Variants in AGBL1 observed in about 807,000 individuals in gnomAD.
AGBL1 encodes the protein cytosolic carboxypeptidase 4.
In AGBL1, 130 loss-of-function variants were observed where a neutral mutation model predicts 118.9. The ratio of observed to expected loss-of-function variants is 1.09; its 90% CI spans 0.95 to 1.26. The LOEUF (loss-of-function observed/expected upper bound fraction) is 1.26, where lower values mean the gene tolerates loss of function less well. Ranked by LOEUF, AGBL1 falls within the 50% of genes most tolerant of loss-of-function variation. The pLI, the probability that AGBL1 is intolerant of heterozygous loss-of-function variation, is 0.00. For missense variants in AGBL1, 1,584 were observed against 1,298.1 expected, an observed-to-expected ratio of 1.22 and a Z score of -3.38; for synonymous variants, 555 against 478.9, an observed-to-expected ratio of 1.16 and a Z score of -2.08.
chr15:86,515,668 A>T (rs1373022010), intron 18 of AGBL1, among the ~76,000 whole-genome samples: 1 of 152,208 alleles, frequency 6.6e-6, no homozygotes, highest in Non-Finnish European at 1.5e-5. Flanking sequence ...GCAATGGATG[A>T]CTTCAAGTGG....
At chr15:86,730,952 C>T (rs1404386494) in intron 22 of AGBL1, among the ~76,000 whole-genome samples, 5 of 152,032 alleles carry the variant, frequency 3.3e-5, no homozygotes, top group African/African-American at 9.7e-5. Flanking sequence ...CTCAGTCTCC[C>T]GAGTAGCTGG....
intron 22 of AGBL1, among the ~76,000 whole-genome samples, chr15:86,691,358 A>G (rs2142604451): frequency 6.6e-6 from 1 of 152,268 alleles, no homozygotes; most frequent in Non-Finnish European, 1.5e-5. Context: ...GTGTTTTTAA[A>G]TCTTCCAACT....
downstream of AGBL1, among the ~76,000 whole-genome samples, chr15:87,030,083 C>A (rs1291289351): frequency 1.3e-5 from 2 of 152,010 alleles, no homozygotes; most frequent in Admixed American, 6.6e-5. Context: ...GATACTTAAA[C>A]TAAACTTAAG....
At chr15:86,569,415 A>C (rs2083968889) in intron 21 of AGBL1, among the ~76,000 whole-genome samples, 1 of 151,830 alleles carries the variant, frequency 6.6e-6, no homozygotes, top group Non-Finnish European at 1.5e-5. Context: ...AAACAAGGAA[A>C]AAAAAAAAAA....
chr15:86,290,512 A>G (rs11637977), intron 16 of AGBL1, among the ~76,000 whole-genome samples: 48,304 of 150,740 alleles, frequency 0.32, 8,084 homozygotes, highest in Non-Finnish European at 0.35. Flanking sequence ...CACCATGCCC[A>G]GCAATTTTTA....
chr15:86,697,763 T>C (rs1258108630), intron 22 of AGBL1, among the ~76,000 whole-genome samples: 1 of 151,992 alleles, frequency 6.6e-6, no homozygotes, highest in Admixed American at 6.6e-5. Flanking sequence ...TTATATTCTT[T>C]TGGCCCATGG....
intron 5 of AGBL1, among the ~76,000 whole-genome samples, chr15:86,211,758 T>C (rs1659747735): frequency 1.3e-5 from 2 of 152,170 alleles, no homozygotes; most frequent in African/African-American, 4.8e-5. Context: ...GGCTTCCCTT[T>C]GCTAGGAAAG....
intron 6 of AGBL1, among the ~76,000 whole-genome samples, chr15:86,240,865 T>G (rs573489985): frequency 6.6e-6 from 1 of 152,336 alleles, no homozygotes; most frequent in Admixed American, 6.5e-5. Flanking sequence ...TCCTTGTATT[T>G]ATTCTTACTC....
chr15:86,993,754 G>A (rs755121548), intron 24 of AGBL1, among the ~76,000 whole-genome samples: 1 of 152,130 alleles, frequency 6.6e-6, no homozygotes, highest in African/African-American at 2.4e-5. Context: ...TTTGCCTGAA[G>A]CCAGATTTCA....
intron 21 of AGBL1, among the ~76,000 whole-genome samples, chr15:86,628,578 G>C (rs2469194): frequency 0.41 from 61,827 of 151,496 alleles, 13,338 homozygotes; most frequent in Middle Eastern, 0.56. Flanking sequence ...GGGTGGATCA[G>C]GAGGCAAGGA....
At chr15:86,165,342 G>C (rs996769485) in intron 5 of AGBL1, among the ~76,000 whole-genome samples, 25 of 152,218 alleles carry the variant, frequency 1.6e-4, no homozygotes, top group Admixed American at 6.5e-4. Flanking sequence ...TGCAATTTAT[G>C]AGCTAGAAAA....
chr15:86,641,423 A>T (rs1354262798), intron 21 of AGBL1, among the ~76,000 whole-genome samples: 3 of 151,928 alleles, frequency 2.0e-5, no homozygotes, highest in Non-Finnish European at 2.9e-5. Flanking sequence ...TAAAAAAAAA[A>T]GCAGTGCCGG....
At chr15:86,295,229 A>T (rs992609369) in intron 16 of AGBL1, 26 bp from the exon 17 acceptor site, 2 of 1,610,894 alleles carry the variant, frequency 1.2e-6, no homozygotes, top group African/African-American at 2.7e-5. Flanking sequence ...TTGATAATAT[A>T]CATGCCTGCT....
intron 1 of AGBL1, among the ~76,000 whole-genome samples, chr15:86,081,390 C>G (rs1468051391): frequency 6.6e-6 from 1 of 152,118 alleles, no homozygotes; most frequent in Admixed American, 6.5e-5. Flanking sequence ...GTTTAAGAAC[C>G]AATAAGTGCA....
intron 21 of AGBL1, among the ~76,000 whole-genome samples, chr15:86,602,679 TG>T (rs547248936): frequency 3.3e-4 from 50 of 152,318 alleles, no homozygotes; most frequent in African/African-American, 1.1e-3. Context: ...TGGAATGGGT[TG>T]TTTCTATTTT....
intron 20 of AGBL1, among the ~76,000 whole-genome samples, chr15:86,550,106 A>AG (rs1404797474): frequency 6.6e-6 from 1 of 152,138 alleles, no homozygotes; most frequent in East Asian, 1.9e-4. Flanking sequence ...AGAGACCTAT[A>AG]GGATAGCATA....
intron 5 of AGBL1, among the ~76,000 whole-genome samples, chr15:86,174,255 TC>T (rs2077452979): frequency 6.6e-6 from 1 of 152,118 alleles, no homozygotes; most frequent in African/African-American, 2.4e-5. Context: ...TCAGCTAGTT[TC>T]TTATTAGTGA....
intron 22 of AGBL1, among the ~76,000 whole-genome samples, chr15:86,755,117 T>G (rs2077916738): frequency 6.6e-6 from 1 of 152,080 alleles, no homozygotes; most frequent in South Asian, 2.1e-4. Context: ...GTGACGGACT[T>G]TCATACTACT....
At chr15:86,331,522 C>A (rs926398938) in intron 17 of AGBL1, among the ~76,000 whole-genome samples, 2 of 152,058 alleles carry the variant, frequency 1.3e-5, no homozygotes, top group Non-Finnish European at 2.9e-5. Flanking sequence ...AAGGTCAACA[C>A]TGAAGAAAAA....
Sources: gnomAD v4.1 joint callset for allele counts (sites outside exome capture counted in the v4.1 genomes callset) on GRCh38, gnomAD v4.1.1 for gene constraint, MANE v1.5 for transcripts, NCBI Gene and HGNC (gene_info 2026-07-23, HGNC 2026-07-21) for gene names.